Variants in SDK1 observed in about 807,000 individuals in gnomAD.
SDK1 encodes sidekick cell adhesion molecule 1, also known as protein sidekick-1.
In SDK1, 157 loss-of-function variants were observed where a neutral mutation model predicts 245.5. The ratio of observed to expected loss-of-function variants is 0.64; its 90% CI spans 0.56 to 0.73. The LOEUF (loss-of-function observed/expected upper bound fraction) is 0.73. SDK1 is among the 30% of genes least tolerant of loss of function. The pLI, the probability that SDK1 is intolerant of heterozygous loss-of-function variation, is 0.00. For missense variants in SDK1, 3,583 were observed against 3,002.3 expected, an observed-to-expected ratio of 1.19 and a Z score of -4.52; for synonymous variants, 1,647 against 1,278.5, an observed-to-expected ratio of 1.29 and a Z score of -6.15.
intron 5 of SDK1, among the ~76,000 whole-genome samples, chr7:3,867,287 A>G (rs1263065770): frequency 6.6e-6 from 1 of 152,186 alleles, no homozygotes; most frequent in African/African-American, 2.4e-5. Context: ...TCTTCATTGA[A>G]AGCATGTTTT....
At chr7:3,578,494 C>G (rs1253571847) in intron 1 of SDK1, among the ~76,000 whole-genome samples, 1 of 151,992 alleles carries the variant, frequency 6.6e-6, no homozygotes, top group African/African-American at 2.4e-5. Flanking sequence ...AGTCTGACCT[C>G]AAATTTACTA....
At chr7:4,219,343 A>G (rs1246216957) in intron 38 of SDK1, among the ~76,000 whole-genome samples, 4 of 152,206 alleles carry the variant, frequency 2.6e-5, no homozygotes, top group Non-Finnish European at 2.9e-5. Context: ...TAATAAAGAC[A>G]TACTTGAGAC....
intron 14 of SDK1, among the ~76,000 whole-genome samples, chr7:3,987,770 C>A (rs553791085): frequency 2.4e-4 from 36 of 152,262 alleles, no homozygotes; most frequent in African/African-American, 8.4e-4. Context: ...ACCCCTCTGC[C>A]CATTTACCGC....
intron 34 of SDK1, among the ~76,000 whole-genome samples, chr7:4,177,223 G>A (rs990449582): frequency 6.6e-6 from 1 of 152,204 alleles, no homozygotes; most frequent in African/African-American, 2.4e-5. Flanking sequence ...TGCTGGGCTG[G>A]TAGCTGGCAG....
intron 44 of SDK1, among the ~76,000 whole-genome samples, chr7:4,259,481 G>C (rs1219841132): frequency 6.6e-6 from 1 of 152,150 alleles, no homozygotes; most frequent in African/African-American, 2.4e-5. Context: ...ACAGATCCCT[G>C]ATCTCTTAGC....
At chr7:3,943,242 A>G (rs1043377604) in intron 5 of SDK1, among the ~76,000 whole-genome samples, 2 of 147,904 alleles carry the variant, frequency 1.4e-5, no homozygotes, top group African/African-American at 2.5e-5. Context: ...TTGTAACAAA[A>G]GTGGGGGAGC....
chr7:3,361,227 C>T (rs1013590169), intron 1 of SDK1, among the ~76,000 whole-genome samples: 82 of 152,284 alleles, frequency 5.4e-4, no homozygotes, highest in African/African-American at 2.0e-3. Context: ...GGGAGGATTG[C>T]ACTCGCATCT....
intron 16 of SDK1, among the ~76,000 whole-genome samples, chr7:4,014,099 C>T (rs1211346073): frequency 6.6e-6 from 1 of 152,246 alleles, no homozygotes; most frequent in Non-Finnish European, 1.5e-5. Flanking sequence ...TACCCAGCAG[C>T]ACAGGCCTGT....
intron 4 of SDK1, among the ~76,000 whole-genome samples, chr7:3,709,765 C>G (rs1389087052): frequency 6.6e-6 from 1 of 152,102 alleles, no homozygotes; most frequent in Non-Finnish European, 1.5e-5. Flanking sequence ...AAACATTTGC[C>G]TAGGTACTTT....
At chr7:3,518,556 C>T (rs1219982030) in intron 1 of SDK1, among the ~76,000 whole-genome samples, 3 of 151,814 alleles carry the variant, frequency 2.0e-5, no homozygotes, top group African/African-American at 7.3e-5. Context: ...AATACATATA[C>T]ATGAGCAACA....
chr7:3,518,726 C>G (rs1053996917), intron 1 of SDK1, among the ~76,000 whole-genome samples: 1 of 151,940 alleles, frequency 6.6e-6, no homozygotes, highest in Non-Finnish European at 1.5e-5. Context: ...ACACACTATG[C>G]AGGAAAGTAA....
chr7:3,319,025 A>G (rs189403593), intron 1 of SDK1, among the ~76,000 whole-genome samples: 48 of 151,878 alleles, frequency 3.2e-4, no homozygotes, highest in Non-Finnish European at 5.7e-4. Context: ...GAGGAAGGAC[A>G]TTCATGAGGG....
intron 4 of SDK1, among the ~76,000 whole-genome samples, chr7:3,745,040 G>T (rs1303043600): frequency 1.3e-5 from 2 of 152,120 alleles, no homozygotes. Flanking sequence ...ATGATCATCT[G>T]TTAGCTTTAG....
chr7:4,232,412 T>C (rs1486051051), intron 40 of SDK1, among the ~76,000 whole-genome samples: 42 of 80,436 alleles, frequency 5.2e-4, no homozygotes, highest in African/African-American at 1.3e-3. Context: ...CTTTTCTTTC[T>C]TTTTTTTTTT....
At chr7:3,788,115 C>T (rs907034142) in intron 4 of SDK1, among the ~76,000 whole-genome samples, 1 of 152,184 alleles carries the variant, frequency 6.6e-6, no homozygotes, top group African/African-American at 2.4e-5. Flanking sequence ...CTCACTCCTT[C>T]TGCTTCGATT....
intron 1 of SDK1, among the ~76,000 whole-genome samples, chr7:3,326,083 T>A (rs1779933877): frequency 6.6e-6 from 1 of 152,204 alleles, no homozygotes; most frequent in Non-Finnish European, 1.5e-5. Flanking sequence ...TGTAACTTAA[T>A]AAGGTAGTTA....
chr7:3,991,905 TAAG>T (rs771655662), intron 14 of SDK1, among the ~76,000 whole-genome samples: 1 of 152,208 alleles, frequency 6.6e-6, no homozygotes, highest in Non-Finnish European at 1.5e-5. Context: ...CAAATGCCCT[TAAG>T]AAGCAGCTGA....
chr7:3,465,457 C>T (rs1478090386), intron 1 of SDK1, among the ~76,000 whole-genome samples: 1 of 152,322 alleles, frequency 6.6e-6, no homozygotes, highest in African/African-American at 2.4e-5. Flanking sequence ...AGAAGTGTTT[C>T]CACTAGGGAT....
chr7:3,563,966 AAAAAT>A (rs1452887081), intron 1 of SDK1, among the ~76,000 whole-genome samples: 7 of 152,196 alleles, frequency 4.6e-5, no homozygotes, highest in South Asian at 4.1e-4. Flanking sequence ...ATTGAATTAA[AAAAAT>A]AAAATTATGA....
Sources: allele counts gnomAD v4.1 joint callset (sites outside exome capture counted in the v4.1 genomes callset), GRCh38; gene constraint gnomAD v4.1.1; transcripts MANE v1.5; gene names NCBI Gene and HGNC (gene_info 2026-07-23, HGNC 2026-07-21).